CMTM4: variants seen among roughly 807,000 people sequenced by gnomAD.
CMTM4 encodes CKLF like MARVEL transmembrane domain containing 4, also known as CKLF-like MARVEL transmembrane domain-containing protein 4.
CMTM4 carries 8 observed loss-of-function variants against 19.0 expected under a neutral mutation model. The ratio of observed to expected loss-of-function variants is 0.42; its 90% CI spans 0.25 to 0.76. The LOEUF (loss-of-function observed/expected upper bound fraction) is 0.76. Ranked by LOEUF, CMTM4 falls within the 30% of genes least tolerant of loss-of-function variation. The pLI, the probability that CMTM4 is intolerant of heterozygous loss-of-function variation, is 0.27. For synonymous variants in CMTM4, 106 were observed against 121.1 expected, an observed-to-expected ratio of 0.88 and a Z score of 0.82; for missense variants, 228 against 290.2, an observed-to-expected ratio of 0.79 and a Z score of 1.56.
intron 1 of CMTM4, among the ~76,000 whole-genome samples, chr16:66,685,898 G>T (rs2017022001): frequency 6.6e-6 from 1 of 152,124 alleles, no homozygotes; most frequent in African/African-American, 2.4e-5. Context: ...GTCCACCTCG[G>T]CCTCTCAAAG....
intron 1 of CMTM4, among the ~76,000 whole-genome samples, chr16:66,679,389 G>A (rs1164551930): frequency 6.6e-6 from 1 of 152,086 alleles, no homozygotes; most frequent in Non-Finnish European, 1.5e-5. Flanking sequence ...GGAGAAAGAA[G>A]AACTGAGGGC....
intron 1 of CMTM4, among the ~76,000 whole-genome samples, chr16:66,656,650 T>C (rs1335775640): frequency 6.8e-6 from 1 of 147,030 alleles, no homozygotes; most frequent in Admixed American, 6.8e-5. Context: ...ATTAACTACA[T>C]AGAAAAAAAA....
In CMTM4 at chr16:66,620,168, C is replaced by G. The variant is rs2015603973; in HGVS notation, c.*1890G>C. ...TCTGATAAAGCTCAGGATGGTCCTT[C>G]CAAGTGGGCCCCATTTAATGCAAGG... is the stretch of plus-strand genomic sequence containing the variant. On this transcript the variant is annotated 3_prime_UTR_variant, in exon 4 of 4. Transcript: ENST00000394106. The G allele has an allele frequency of 7.1e-6, 7 of 985,358 alleles. No homozygotes were observed. The highest frequency in any genetic ancestry group is 8.4e-6 in the Non-Finnish European group (7 of 829,950). 61.0% of individuals were successfully genotyped at this position (985,358 alleles called of 1,614,324 possible).
chr16:66,668,085 C>G lies in CMTM4; in HGVS notation c.186+28255G>C, dbSNP rs12926004. 4.1e-3 allele frequency among the ~76,000 whole-genome samples: 623 copies of G among 152,108 alleles called. 2 individuals are homozygous for G. The highest frequency in any genetic ancestry group is 6.8e-3 in the Middle Eastern group (2 of 292). On this transcript the variant is annotated intron_variant, in intron 1 of 3. Coordinates refer to ENST00000394106, the MANE Select transcript of CMTM4 (RefSeq NM_181521.3). The stretch of plus-strand genomic sequence containing the variant: ...TGGCAGAATTATTGCTCACTGAAGC[C>G]TCCAACTGCTCAGCTCAAGGGTCCT...
chr16:66,623,918 A>T (rs2015687266), intron 2 of CMTM4, among the ~76,000 whole-genome samples: 1 of 152,186 alleles, frequency 6.6e-6, no homozygotes. Context: ...CATTCAAAAC[A>T]AACTTTCACA....
chr16:66,678,776 A>G (rs1234574270), intron 1 of CMTM4, among the ~76,000 whole-genome samples: 1 of 152,168 alleles, frequency 6.6e-6, no homozygotes, highest in Non-Finnish European at 1.5e-5. Context: ...TTAATAAAAT[A>G]CTTTACATTT....
At chr16:66,605,931 C>T in the CMTM4 span, among the ~76,000 whole-genome samples, 1 of 152,240 alleles carries the variant, frequency 6.6e-6, no homozygotes, top group East Asian at 1.9e-4. This position sits in a 1 kb window ranked among gnomAD's most constrained non-coding sequence, Gnocchi z 4.6. Context: ...CAATGCCACA[C>T]TCCGAGCCCA....
chr16:66,609,358 C>T, the CMTM4 span: 67 of 1,315,164 alleles, frequency 5.1e-5, 1 homozygote, highest in Middle Eastern at 2.0e-4. The surrounding 1 kb of genome is among the most constrained non-coding windows in gnomAD (Gnocchi z 4.4). Flanking sequence ...GCTGGGAACA[C>T]GACCAGGCTG....
At chr16:66,662,445 G>T (rs949596145) in intron 1 of CMTM4, among the ~76,000 whole-genome samples, 1 of 152,188 alleles carries the variant, frequency 6.6e-6, no homozygotes, top group Non-Finnish European at 1.5e-5. Context: ...AAAGTAGACA[G>T]GGGGATTTTC....
At chr16:66,599,219 G>A in the CMTM4 span, among the ~76,000 whole-genome samples, 2 of 152,096 alleles carry the variant, frequency 1.3e-5, no homozygotes, top group Admixed American at 1.3e-4. Context: ...GAACACAGGA[G>A]GCAGAGGTTG....
chr16:66,655,567 G>A (rs907557924), intron 1 of CMTM4, among the ~76,000 whole-genome samples: 3 of 151,594 alleles, frequency 2.0e-5, no homozygotes, highest in East Asian at 3.9e-4. Context: ...GTGTGTGTGT[G>A]TTTATATATG....
rs1039000608 is a variant in CMTM4 at position 66,621,166 on chromosome 16, G to A, written c.*892C>T. 3.2e-5 allele frequency: 32 copies of A among 985,706 alleles called. No homozygotes were observed. The highest frequency in any genetic ancestry group is 1.6e-4 in the African/African-American group (9 of 57,356). The allele number at this position is 985,706 out of a possible 1,614,324, so 61.1% of individuals were successfully genotyped here. A position where few individuals can be genotyped will look rare whatever the true frequency, so the allele number is the denominator to read the frequency against. On this transcript the variant is annotated 3_prime_UTR_variant, in exon 4 of 4. Transcript: ENST00000394106. Reference sequence around the variant, plus strand: ...GAGGGGTGTGTGTGTGCATGTGTGCGCGCACGCGTGTGCATGCTGTTTTTT... The same window carrying A: ...GAGGGGTGTGTGTGTGCATGTGTGCACGCACGCGTGTGCATGCTGTTTTTT...
intron 2 of CMTM4, among the ~76,000 whole-genome samples, chr16:66,624,571 A>G (rs1336670690): frequency 6.6e-6 from 1 of 152,160 alleles, no homozygotes; most frequent in East Asian, 1.9e-4. Flanking sequence ...GTTCGAGAAC[A>G]GCCTGGTCAA....
chr16:66,680,158 G>C (rs929079883), intron 1 of CMTM4, among the ~76,000 whole-genome samples: 1 of 152,146 alleles, frequency 6.6e-6, no homozygotes, highest in Non-Finnish European at 1.5e-5. Context: ...TTAATGTACT[G>C]TAAACTAAAA....
chr16:66,621,146 G>GTGTGTGTGTGCA lies in CMTM4; in HGVS notation c.*900_*911dup. ...TAGCACACATCCCTAAAATAGAGGG[G>GTGTGTGTGTGCA]TGTGTGTGTGCATGTGTGCGCGCAC... On this transcript the variant is annotated 3_prime_UTR_variant, in exon 4 of 4. Coordinates refer to ENST00000394106, the MANE Select transcript of CMTM4 (RefSeq NM_181521.3). The GTGTGTGTGTGCA allele has an allele frequency of 1.0e-6, 1 of 985,748 alleles. No homozygotes were observed. Among genetic ancestry groups the GTGTGTGTGTGCA allele is most frequent in the South Asian group, 4.7e-5 (1 of 21,286 alleles). 61.1% of individuals were successfully genotyped at this position (985,748 alleles called of 1,614,324 possible).
chr16:66,653,237 G>A (rs978326675), intron 1 of CMTM4, among the ~76,000 whole-genome samples: 1 of 152,164 alleles, frequency 6.6e-6, no homozygotes, highest in Non-Finnish European at 1.5e-5. Context: ...CTCATTGAAT[G>A]AGAAACGAGC....
At chr16:66,612,574 C>T, downstream of CMTM4, 1 of 1,612,718 alleles carries the variant, frequency 6.2e-7, no homozygotes, top group South Asian at 1.1e-5. The surrounding 1 kb of genome is among the most constrained non-coding windows in gnomAD (Gnocchi z 6.0). Context: ...CTGCCCTGAG[C>T]CTCCTGCCAA....
intron 1 of CMTM4, among the ~76,000 whole-genome samples, chr16:66,656,638 TTATTAAC>T (rs2016401923): frequency 6.6e-6 from 1 of 151,934 alleles, no homozygotes; most frequent in South Asian, 2.1e-4. Flanking sequence ...AAAAAAATAC[TTATTAAC>T]TACATAGAAA....
In CMTM4 at chr16:66,620,111, G is replaced by A. The variant is rs1040670382; in HGVS notation, c.*1947C>T. The A allele has an allele frequency of 9.1e-6, 9 of 985,388 alleles. No homozygotes were observed. In the African/African-American group the frequency reaches 1.0e-4, roughly 11 times the overall value. The allele number at this position is 985,388 out of a possible 1,614,324, so 61.0% of individuals were successfully genotyped here. Reference sequence around the variant, plus strand: ...TCACTTCAAAGATGGCCTTTTTTGGGGGCCAAGTAACATGATTCCCAGCAG... The same window carrying A: ...TCACTTCAAAGATGGCCTTTTTTGGAGGCCAAGTAACATGATTCCCAGCAG... On this transcript the variant is annotated 3_prime_UTR_variant, in exon 4 of 4. Coordinates refer to ENST00000394106, the MANE Select transcript of CMTM4 (RefSeq NM_181521.3).
Sources: gnomAD v4.1 joint callset for allele counts (sites outside exome capture counted in the v4.1 genomes callset) on GRCh38, gnomAD v4.1.1 for gene constraint, Gnocchi (gnomAD v3.1) non-coding constraint, MANE v1.5 for transcripts, NCBI Gene and HGNC (gene_info 2026-07-23, HGNC 2026-07-21) for gene names.